GYG2: variants seen among roughly 807,000 people sequenced by gnomAD.
GYG2 encodes the protein glycogenin 2.
A neutral mutation model predicts 29.4 loss-of-function variants in GYG2; 29 were observed. That is an observed-to-expected ratio of 0.99 (90% CI 0.74 to 1.35). The LOEUF (loss-of-function observed/expected upper bound fraction) is 1.35. GYG2 is among the 40% of genes most tolerant of loss of function. The pLI, the probability that GYG2 is intolerant of heterozygous loss-of-function variation, is 0.00. For synonymous variants in GYG2, 167 were observed against 172.3 expected (o/e 0.97, Z 0.24); for missense variants, 370 against 385.7 (o/e 0.96, Z 0.34).
At chrX:2,874,314 C>G (rs987368622) in intron 8 of GYG2, among the ~76,000 whole-genome samples, 2 of 112,093 alleles carry the variant, frequency 1.8e-5, no homozygotes, top group African/African-American at 6.5e-5. Flanking sequence ...ATTGCACATG[C>G]TGATCTGCTT....
At chrX:2,856,767 T>A (rs745504189) in intron 6 of GYG2, 143 bp downstream of exon 6, 1 of 385,001 alleles carries the variant, frequency 2.6e-6, no homozygotes, top group East Asian at 4.2e-5. Context: ...TATCTATCTA[T>A]CTATCTATCT....
At chrX:2,832,727 G>T (rs2873118) in intron 2 of GYG2, among the ~76,000 whole-genome samples, 16,149 of 110,985 alleles carry the variant, frequency 0.15, 965 homozygotes, top group East Asian at 0.25. Context: ...TACAGATGGG[G>T]TTTCTCCATG....
At chrX:2,870,666 C>T (rs5982603) in intron 8 of GYG2, among the ~76,000 whole-genome samples, 17,527 of 111,784 alleles carry the variant, frequency 0.16, 1,202 homozygotes, top group South Asian at 0.31. Flanking sequence ...CACATTCTAG[C>T]TTCAGTTATT....
intron 8 of GYG2, among the ~76,000 whole-genome samples, chrX:2,870,103 T>G (rs1414643016): frequency 2.7e-5 from 3 of 111,308 alleles, no homozygotes; most frequent in Non-Finnish European, 5.7e-5. Context: ...TCCTTCAGTT[T>G]TTTTTTTTTT....
At chrX:2,854,260 C>A in intron 4 of GYG2, 106 bp downstream of exon 4, 1 of 536,060 alleles carries the variant, frequency 1.9e-6, no homozygotes. Context: ...GTCGCTCTGT[C>A]ACCCAAGCTG....
intron 3 of GYG2, among the ~76,000 whole-genome samples, chrX:2,851,458 G>C (rs1488352371): frequency 8.9e-6 from 1 of 111,772 alleles, no homozygotes; most frequent in East Asian, 2.8e-4. Flanking sequence ...TGGCCAGGCT[G>C]GTCTCGAACT....
At chrX:2,829,539 G>C (rs1205459355) in intron 1 of GYG2, among the ~76,000 whole-genome samples, 1 of 99,396 alleles carries the variant, frequency 1.0e-5, no homozygotes, top group Non-Finnish European at 2.1e-5. Flanking sequence ...AGAGGCGCAG[G>C]GGTAGGCCGG....
chrX:2,875,432 T>C (rs2088571113), intron 8 of GYG2, among the ~76,000 whole-genome samples: 1 of 110,789 alleles, frequency 9.0e-6, no homozygotes, highest in Non-Finnish European at 1.9e-5. Flanking sequence ...AGGGATCTTG[T>C]TTTTCACCTG....
At chrX:2,829,536 C>A (rs2087212387) in intron 1 of GYG2, among the ~76,000 whole-genome samples, 1 of 65,611 alleles carries the variant, frequency 1.5e-5, no homozygotes, top group Non-Finnish European at 2.8e-5. Context: ...GCGAGAGGCG[C>A]AGGGGTAGGC....
intron 5 of GYG2, 124 bp from the exon 6 acceptor site, chrX:2,856,374 A>G: frequency 1.8e-6 from 1 of 551,353 alleles, no homozygotes; most frequent in Non-Finnish European, 2.9e-6. Context: ...TGGCAGACAG[A>G]AGAAATGGAA....
In GYG2 at chrX:2,828,962, A is replaced by G. The variant is rs1431876563; in HGVS notation, c.-142A>G. On this transcript the variant is annotated 5_prime_UTR_variant, in exon 1 of 11. Transcript: ENST00000398806. ...GCGCCGGCTCTGGGCCGAGGCAGCCAGAGCGCGGAAGAGGTGCGGGGGGCT... is the reference window on the plus strand; with the variant it reads ...GCGCCGGCTCTGGGCCGAGGCAGCCGGAGCGCGGAAGAGGTGCGGGGGGCT... 9.1e-6 allele frequency: 1 copy of G among 109,674 alleles called. No homozygotes were observed. The highest frequency in any genetic ancestry group is 1.9e-5 in the Non-Finnish European group (1 of 52,290). 9.0% of individuals were successfully genotyped at this position (109,674 alleles called of 1,213,427 possible).
At chrX:2,844,545 C>T (rs1281022630) in intron 3 of GYG2, among the ~76,000 whole-genome samples, 2 of 76,692 alleles carry the variant, frequency 2.6e-5, no homozygotes, top group Non-Finnish European at 5.0e-5. Context: ...TATGTGTATA[C>T]GCACACGCAT....
In GYG2 at chrX:2,846,101, C is replaced by G. The variant is rs1356238917; in HGVS notation, c.149+2747C>G. Among the ~76,000 whole-genome samples, 3 of 70,189 alleles carry G rather than the reference C, an allele frequency of 4.3e-5. No individual in the cohort carries two copies. In the Admixed American group the frequency reaches 6.7e-4, roughly 16 times the overall value. The allele number at this position is 70,189 out of a possible 115,157, so 61.0% of individuals were successfully genotyped here. On this transcript the variant is annotated intron_variant, in intron 3 of 10. Transcript: ENST00000398806. ...TTTTTTTTTGAGACAGAGTCTCACTCTGTCGTCCAAGCTGGAGTGCCATGG... is the reference window on the plus strand; with the variant it reads ...TTTTTTTTTGAGACAGAGTCTCACTGTGTCGTCCAAGCTGGAGTGCCATGG...
At chrX:2,867,042 A>C (rs1321779874) in intron 8 of GYG2, among the ~76,000 whole-genome samples, 1 of 110,906 alleles carries the variant, frequency 9.0e-6, no homozygotes, top group Non-Finnish European at 1.9e-5. Flanking sequence ...GATGAAGATC[A>C]CCCTTGCAGG....
chrX:2,849,473 A>G (rs2087820227), intron 3 of GYG2, among the ~76,000 whole-genome samples: 1 of 112,272 alleles, frequency 8.9e-6, no homozygotes, highest in African/African-American at 3.2e-5. Context: ...AGTAACTCCT[A>G]TTATATTTCA....
At chrX:2,834,951 C>T (rs1477681679) in intron 2 of GYG2, among the ~76,000 whole-genome samples, 1 of 111,502 alleles carries the variant, frequency 9.0e-6, no homozygotes, top group Non-Finnish European at 1.9e-5. Flanking sequence ...CGTGACACAG[C>T]TTCAGGAGGT....
chrX:2,837,318 T>C (rs893297056), intron 2 of GYG2, among the ~76,000 whole-genome samples: 1 of 112,246 alleles, frequency 8.9e-6, no homozygotes, highest in Admixed American at 9.4e-5. Flanking sequence ...TACTGGGGTA[T>C]AGGAGTTGGC....
chrX:2,830,140 C>T lies in GYG2; in HGVS notation c.-49C>T, dbSNP rs368700751. 6.7e-4 allele frequency: 802 copies of T among 1,188,678 alleles called. No individual in the cohort carries two copies. The highest frequency in any genetic ancestry group is 8.6e-4 in the Non-Finnish European group (756 of 876,011). ...GGCGAGGAAGTCCACCCACTGCTCC[C>T]GGGCGCAGGTCTGCAGGTCCGCGCC... is the stretch of plus-strand genomic sequence containing the variant. On this transcript the variant is annotated 5_prime_UTR_variant, in exon 2 of 11. Coordinates refer to ENST00000398806, the MANE Select transcript of GYG2 (RefSeq NM_001079855.2).
chrX:2,870,317 T>C (rs1300559137), intron 8 of GYG2, among the ~76,000 whole-genome samples: 1 of 110,747 alleles, frequency 9.0e-6, no homozygotes, highest in Non-Finnish European at 1.9e-5. Context: ...TTCTCCTGCC[T>C]CAGCCTCCCA....
Sources: gnomAD v4.1 joint callset for allele counts (sites outside exome capture counted in the v4.1 genomes callset) on GRCh38, gnomAD v4.1.1 for gene constraint, MANE v1.5 for transcripts, NCBI Gene and HGNC (gene_info 2026-07-23, HGNC 2026-07-21) for gene names.